The following FHAD1 variants were observed in gnomAD, a reference collection of about 807,000 sequenced individuals.
FHAD1 encodes the protein forkhead associated phosphopeptide binding domain 1, also known as forkhead-associated domain-containing protein 1.
A neutral mutation model predicts 191.3 loss-of-function variants in FHAD1; 146 were observed. That is an observed-to-expected ratio of 0.76 (90% CI 0.67 to 0.88). FHAD1 has a LOEUF of 0.88. Ranked by LOEUF, FHAD1 falls within the 40% of genes least tolerant of loss-of-function variation. The pLI is 0.00. For missense variants in FHAD1, 1,635 were observed against 1,785.8 expected (o/e 0.92, Z 1.52); for synonymous variants, 616 against 672.3 (o/e 0.92, Z 1.29).
intron 26 of FHAD1, 92 bp downstream of exon 26, chr1:15,369,594 A>G: frequency 2.8e-6 from 4 of 1,404,352 alleles, no homozygotes; most frequent in Non-Finnish European, 3.9e-6. Context: ...TTTCATTCTA[A>G]GTTCCAAAAG....
At chr1:15,305,345 C>T (rs966500938) in intron 6 of FHAD1, among the ~76,000 whole-genome samples, 1 of 152,166 alleles carries the variant, frequency 6.6e-6, no homozygotes, top group East Asian at 1.9e-4. Context: ...TTGCAGATGG[C>T]AGTCTGGCTC....
intron 7 of FHAD1, among the ~76,000 whole-genome samples, chr1:15,310,385 G>A (rs1483216364): frequency 6.6e-6 from 1 of 152,176 alleles, no homozygotes; most frequent in Non-Finnish European, 1.5e-5. Context: ...TGAGCCCTAT[G>A]GGCAGGGCTG....
At chr1:15,305,722 C>G in intron 6 of FHAD1, 1 of 439,848 alleles carries the variant, frequency 2.3e-6, no homozygotes, top group Non-Finnish European at 4.5e-6. Context: ...CAGGGGTTTC[C>G]GCTTTTGCTT....
intron 23 of FHAD1, chr1:15,364,417 C>T (rs898221492): frequency 1.3e-5 from 2 of 152,282 alleles, no homozygotes; most frequent in Non-Finnish European, 2.9e-5. Flanking sequence ...TGAGACCAGC[C>T]TGGCCAACAT....
rs200812698 is a variant in FHAD1, at chr1:15,372,690, A to ATATATG, written c.3448-1799_3448-1794dup. On this transcript the variant is annotated intron_variant, in intron 26 of 33. Coordinates refer to ENST00000688493, the MANE Select transcript of FHAD1 (RefSeq NM_001391957.1). ...TTATCTTCCATATCTATAGCTATCT[A>ATATATG]TATATGTATATGTATATGCATGAAA... Among the ~76,000 whole-genome samples the ATATATG allele has an allele frequency of 3.2e-3, 491 of 152,356 alleles. 4 individuals are homozygous for ATATATG. The highest frequency in any genetic ancestry group is 0.011 in the African/African-American group (442 of 41,590).
chr1:15,397,200 A>G (rs1212087778), intron 33 of FHAD1, 97 bp from the exon 34 acceptor site: 12 of 578,484 alleles, frequency 2.1e-5, no homozygotes, highest in African/African-American at 1.9e-4. Context: ...CAAAAAAAAA[A>G]AATTAAATAA....
chr1:15,337,143 G>A (rs1220257324), intron 14 of FHAD1, among the ~76,000 whole-genome samples: 1 of 152,178 alleles, frequency 6.6e-6, no homozygotes, highest in Non-Finnish European at 1.5e-5. Flanking sequence ...GAGGAAGGGG[G>A]CCTCTTTCTT....
At chr1:15,332,305 C>G (rs1682002288) in intron 14 of FHAD1, among the ~76,000 whole-genome samples, 1 of 152,188 alleles carries the variant, frequency 6.6e-6, no homozygotes, top group Non-Finnish European at 1.5e-5. Flanking sequence ...GATCTCCATC[C>G]TGGCAATAAT....
chr1:15,323,136 A>G (rs981879110), intron 10 of FHAD1, among the ~76,000 whole-genome samples: 3 of 152,168 alleles, frequency 2.0e-5, no homozygotes, highest in Admixed American at 1.3e-4. Context: ...GAATTCTGGG[A>G]GATACAATTG....
At chr1:15,394,160 T>C (rs1292321026) in intron 33 of FHAD1, among the ~76,000 whole-genome samples, 1 of 152,188 alleles carries the variant, frequency 6.6e-6, no homozygotes, top group Non-Finnish European at 1.5e-5. Flanking sequence ...AGGTCAGCGG[T>C]CCTGGCTGCC....
At chr1:15,305,580 C>T (rs745540944) in intron 6 of FHAD1, among the ~76,000 whole-genome samples, 1 of 152,224 alleles carries the variant, frequency 6.6e-6, no homozygotes, top group Admixed American at 6.5e-5. Context: ...CAAATCTCAA[C>T]TTGAATTGTA....
chr1:15,246,519 C>A (rs1646058385), upstream of FHAD1, among the ~76,000 whole-genome samples: 1 of 128,320 alleles, frequency 7.8e-6, no homozygotes, highest in African/African-American at 2.7e-5. Context: ...CTGCTCAACA[C>A]ACTCCATCCC....
chr1:15,287,742 A>G (rs979582079), intron 3 of FHAD1, among the ~76,000 whole-genome samples: 18 of 152,134 alleles, frequency 1.2e-4, no homozygotes, highest in African/African-American at 4.3e-4. Context: ...ACTGACTCCA[A>G]GAAAGAGCCT....
chr1:15,357,238 A>G (rs1480619069), intron 20 of FHAD1, among the ~76,000 whole-genome samples: 2 of 152,162 alleles, frequency 1.3e-5, no homozygotes, highest in African/African-American at 4.8e-5. Flanking sequence ...GGATTAAATA[A>G]TGTTCGTAAG....
intron 3 of FHAD1, among the ~76,000 whole-genome samples, chr1:15,280,362 A>C (rs1214865067): frequency 6.6e-6 from 1 of 152,140 alleles, no homozygotes; most frequent in African/African-American, 2.4e-5. Flanking sequence ...TCCTGAGACC[A>C]GGTTTTTTTA....
rs149698699 is a variant in FHAD1 at position 15,250,280 on chromosome 1, C to T, written c.-14-1491C>T. Among the ~76,000 whole-genome samples, 389 of 152,340 alleles carry T rather than the reference C, an allele frequency of 2.6e-3. 1 individual carries two copies. The highest frequency in any genetic ancestry group is 3.9e-3 in the Non-Finnish European group (267 of 68,036). On this transcript the variant is annotated intron_variant, in intron 1 of 33. Coordinates refer to ENST00000688493, the MANE Select transcript of FHAD1 (RefSeq NM_001391957.1). ...CGGATTCAAGCATCGAGATGAATTA[C>T]TGTCAATATTTTAGAACTTTCTGAA...
intron 21 of FHAD1, among the ~76,000 whole-genome samples, chr1:15,358,774 T>C (rs1014221209): frequency 6.6e-6 from 1 of 152,132 alleles, no homozygotes; most frequent in Non-Finnish European, 1.5e-5. Context: ...TCGATGTGCA[T>C]TCCCTCTGTC....
chr1:15,397,933 C>T lies in FHAD1; in HGVS notation c.*520C>T, dbSNP rs1706506875. On this transcript the variant is annotated 3_prime_UTR_variant, in exon 34 of 34. Coordinates refer to ENST00000688493, the MANE Select transcript of FHAD1 (RefSeq NM_001391957.1). ...GGATTATAAGATCAGGAGTTTGAGA[C>T]CAGCCTGGCAAACATAGTGAATACC... 6.6e-6 allele frequency: 1 copy of T among 152,132 alleles called. No individual in the cohort carries two copies. The highest frequency in any genetic ancestry group is 2.4e-5 in the African/African-American group (1 of 41,384). 9.4% of individuals were successfully genotyped at this position (152,132 alleles called of 1,614,324 possible).
At chr1:15,323,604 C>G (rs776209732) in intron 10 of FHAD1, among the ~76,000 whole-genome samples, 1 of 152,172 alleles carries the variant, frequency 6.6e-6, no homozygotes, top group Non-Finnish European at 1.5e-5. Flanking sequence ...ACAAAATCCT[C>G]TCATCTAGGA....
Sources: allele counts gnomAD v4.1 joint callset (sites outside exome capture counted in the v4.1 genomes callset), GRCh38; gene constraint gnomAD v4.1.1; transcripts MANE v1.5; gene names NCBI Gene and HGNC (gene_info 2026-07-23, HGNC 2026-07-21).